ZFHX3: variants seen among roughly 807,000 people sequenced by gnomAD.
ZFHX3 encodes the protein zinc finger homeobox 3, also known as zinc finger homeobox protein 3.
Under a neutral mutation model 279.1 loss-of-function variants are expected in ZFHX3, and 42 were observed. The observed-to-expected ratio is 0.15, with a 90% CI of 0.12 to 0.19. The LOEUF is 0.19. ZFHX3 is among the 10% of genes least tolerant of loss of function. The pLI, the probability that ZFHX3 is intolerant of heterozygous loss-of-function variation, is 1.00. For synonymous variants in ZFHX3, 2,293 were observed against 1,957.8 expected, an observed-to-expected ratio of 1.17 and a Z score of -4.52; for missense variants, 4,981 against 4,754.0, an observed-to-expected ratio of 1.05 and a Z score of -1.40.
At chr16:73,157,339 C>T (rs1967113098) in intron 5 of ZFHX3, among the ~76,000 whole-genome samples, 2 of 151,930 alleles carry the variant, frequency 1.3e-5, no homozygotes, top group Non-Finnish European at 1.5e-5. Context: ...CTATCAGACA[C>T]GGACTTGTGT....
At chr16:73,468,471 C>T (rs1361024623) in intron 2 of ZFHX3, among the ~76,000 whole-genome samples, 1 of 152,170 alleles carries the variant, frequency 6.6e-6, no homozygotes, top group African/African-American at 2.4e-5. Context: ...CGTGGTGGCT[C>T]ACACCTGTAG....
intron 1 of ZFHX3, among the ~76,000 whole-genome samples, chr16:72,971,621 T>C (rs1286243287): frequency 6.6e-6 from 1 of 152,152 alleles, no homozygotes; most frequent in Non-Finnish European, 1.5e-5. Flanking sequence ...ACTCAAATGC[T>C]AGGAACATTT....
rs1360434961 is a variant in ZFHX3 at position 72,795,965 on chromosome 16, C to G, written c.6717G>C (p.Trp2239Cys). 18 of 1,614,166 alleles carry G rather than the reference C, an allele frequency of 1.1e-5. No homozygotes were observed. The highest frequency in any genetic ancestry group is 1.5e-5 in the Non-Finnish European group (18 of 1,180,034). The change falls in exon 9 of 10, where the codon TGG (tryptophan) becomes TGC (cysteine). Residue 2239 changes from tryptophan to cysteine, a missense_variant. Trp to Cys is a radical substitution (Grantham distance 215). This residue lies in a region of ZFHX3 where 177 missense variants were observed against 244.2 expected (regional missense o/e 0.72). Transcript: ENST00000268489. ...TTGTTCTTGAAGACCTCTTGCTTCC[C>G]CAGTACTCCTGCTTTGGAGGTTCCG... ...PSPEPPKQEY[W>C]GSKRSSRTRF... is the part of the protein sequence containing the mutation.
At chr16:72,870,525 C>A (rs1485582413) in intron 4 of ZFHX3, among the ~76,000 whole-genome samples, 1 of 151,880 alleles carries the variant, frequency 6.6e-6, no homozygotes, top group African/African-American at 2.4e-5. Flanking sequence ...CTGGCTAACA[C>A]AGTAAAACCC....
At chr16:73,090,725 G>GAAA (rs1405893437) in intron 8 of ZFHX3, among the ~76,000 whole-genome samples, 1 of 130,560 alleles carries the variant, frequency 7.7e-6, no homozygotes, top group Non-Finnish European at 1.7e-5. Context: ...GGCCTCTACA[G>GAAA]AAAAAAAAAA....
chr16:73,319,152 A>T (rs574670093), intron 3 of ZFHX3, among the ~76,000 whole-genome samples: 3 of 152,076 alleles, frequency 2.0e-5, no homozygotes. Context: ...AGCAGGTAAT[A>T]GATGCGCCAT....
At chr16:73,709,076 G>A (rs929324519) in intron 1 of ZFHX3, among the ~76,000 whole-genome samples, 1 of 152,048 alleles carries the variant, frequency 6.6e-6, no homozygotes, top group Non-Finnish European at 1.5e-5. Context: ...GTTGTTTTGG[G>A]TTAATACACA....
At chr16:72,919,809 T>TTTTTTA (rs2039537477) in intron 3 of ZFHX3, among the ~76,000 whole-genome samples, 1 of 120,420 alleles carries the variant, frequency 8.3e-6, no homozygotes, top group African/African-American at 3.4e-5. Context: ...TTTTTTTTTT[T>TTTTTTA]GAGACAGAGT....
intron 3 of ZFHX3, among the ~76,000 whole-genome samples, chr16:73,366,132 A>C (rs1327881748): frequency 6.6e-6 from 1 of 152,252 alleles, no homozygotes; most frequent in African/African-American, 2.4e-5. Context: ...ATACTTTAAA[A>C]GAATGGAAAA....
At chr16:73,519,641 T>C (rs1230127168) in intron 2 of ZFHX3, among the ~76,000 whole-genome samples, 2 of 152,174 alleles carry the variant, frequency 1.3e-5, no homozygotes, top group Admixed American at 6.5e-5. Context: ...CTTGTCTTTT[T>C]ATTCTTGCTT....
At chr16:73,504,510 A>T (rs547229846) in intron 2 of ZFHX3, 2 of 152,302 alleles carry the variant, frequency 1.3e-5, no homozygotes, top group Non-Finnish European at 2.9e-5. Context: ...TAAAAGAAGA[A>T]GAAGTAGACA....
At position 73,351,267 on chromosome 16, in the gene ZFHX3, C is replaced by T. The variant is rs529879352; in HGVS notation, c.-1290-32931G>A. 1.9e-4 allele frequency among the ~76,000 whole-genome samples: 29 copies of T among 152,280 alleles called. No individual in the cohort carries two copies. In the East Asian group the frequency reaches 2.5e-3, roughly 13 times the overall value. ...AACGCCTTCGTTCAAGTGTCAACCCCAATCCGGGAGAGGTCACCGCACTGG... is the reference window on the plus strand; with the variant it reads ...AACGCCTTCGTTCAAGTGTCAACCCTAATCCGGGAGAGGTCACCGCACTGG... On this transcript the variant is annotated intron_variant, in intron 3 of 17. Coordinates refer to the ZFHX3 transcript ENST00000641206.
At chr16:73,189,348 G>A (rs1410234437) in intron 5 of ZFHX3, among the ~76,000 whole-genome samples, 1 of 152,170 alleles carries the variant, frequency 6.6e-6, no homozygotes, top group African/African-American at 2.4e-5. Flanking sequence ...TGTTCACTGG[G>A]GTCGGCAGAT....
chr16:73,525,024 C>T (rs780571805), intron 2 of ZFHX3, among the ~76,000 whole-genome samples: 1 of 152,136 alleles, frequency 6.6e-6, no homozygotes, highest in Non-Finnish European at 1.5e-5. Flanking sequence ...CTGGTAGAAA[C>T]CCCCATGCCG....
At chr16:73,158,442 C>T (rs1967149961) in intron 5 of ZFHX3, among the ~76,000 whole-genome samples, 1 of 151,874 alleles carries the variant, frequency 6.6e-6, no homozygotes, top group Non-Finnish European at 1.5e-5. Context: ...CTTCTCTTCC[C>T]TTCCTTCCCC....
At chr16:73,082,806 G>A (rs1965965542) in intron 8 of ZFHX3, among the ~76,000 whole-genome samples, 1 of 152,104 alleles carries the variant, frequency 6.6e-6, no homozygotes. Context: ...CAGAAAGGAT[G>A]ACACAGTTTC....
chr16:73,489,261 T>C (rs74028679), intron 2 of ZFHX3, among the ~76,000 whole-genome samples: 217 of 152,354 alleles, frequency 1.4e-3, no homozygotes, highest in African/African-American at 5.1e-3. Flanking sequence ...GATGAAAATC[T>C]TGATGCACAT....
chr16:73,335,381 C>G (rs1395539140), intron 3 of ZFHX3, among the ~76,000 whole-genome samples: 2 of 152,220 alleles, frequency 1.3e-5, no homozygotes, highest in East Asian at 1.9e-4. Context: ...AACCCAACAA[C>G]TGAGTAAAGG....
At chr16:73,522,201 T>C (rs948499664) in intron 2 of ZFHX3, among the ~76,000 whole-genome samples, 2 of 152,218 alleles carry the variant, frequency 1.3e-5, no homozygotes, top group Non-Finnish European at 2.9e-5. Flanking sequence ...TGGGAACTGA[T>C]AAATCAGAAA....
Sources: allele counts gnomAD v4.1 joint callset (sites outside exome capture counted in the v4.1 genomes callset), GRCh38; gene constraint gnomAD v4.1.1; regional missense constraint gnomAD v4.1.1; transcripts MANE v1.5; gene names NCBI Gene and HGNC (gene_info 2026-07-23, HGNC 2026-07-21).